SBK1: variants seen among roughly 807,000 people sequenced by gnomAD.
SBK1 encodes SH3 domain binding kinase 1, also known as serine/threonine-protein kinase SBK1.
In SBK1, 11 loss-of-function variants were observed where a neutral mutation model predicts 24.4. The observed-to-expected ratio is 0.45, with a 90% CI of 0.28 to 0.75. The LOEUF is 0.75. Ranked by LOEUF, SBK1 falls within the 30% of genes least tolerant of loss-of-function variation. SBK1 has a pLI of 0.12. For missense variants in SBK1, 467 were observed against 620.5 expected (o/e 0.75, Z 2.63); for synonymous variants, 308 against 284.4 (o/e 1.08, Z -0.83).
At chr16:28,261,893 G>A (rs1158236288) in intron 1 of SBK1, among the ~76,000 whole-genome samples, 1 of 152,066 alleles carries the variant, frequency 6.6e-6, no homozygotes, top group Non-Finnish European at 1.5e-5. Flanking sequence ...CTGATTCTGG[G>A]GACTCTCTGT....
intron 1 of SBK1, among the ~76,000 whole-genome samples, chr16:28,272,771 C>A (rs927633585): frequency 6.6e-6 from 1 of 151,648 alleles, no homozygotes; most frequent in Non-Finnish European, 1.5e-5. Context: ...ACAGGCATGC[C>A]CCACCACGCC....
chr16:28,300,902 C>G (rs984382781), intron 1 of SBK1, among the ~76,000 whole-genome samples: 3 of 152,142 alleles, frequency 2.0e-5, no homozygotes, highest in African/African-American at 4.8e-5. Context: ...GAACCTGGAC[C>G]GCAGGCTCCT....
chr16:28,268,402 C>G (rs1454528757), intron 1 of SBK1, among the ~76,000 whole-genome samples: 1 of 151,060 alleles, frequency 6.6e-6, no homozygotes, highest in Non-Finnish European at 1.5e-5. Context: ...ACCACCACAC[C>G]TGGCTAATTT....
intron 1 of SBK1, among the ~76,000 whole-genome samples, chr16:28,316,730 T>C (rs2044799028): frequency 6.6e-6 from 1 of 152,114 alleles, no homozygotes; most frequent in South Asian, 2.1e-4. Flanking sequence ...TAAATAAAAA[T>C]TAGCCAGGTG....
chr16:28,312,107 G>A (rs1266488608), intron 1 of SBK1, among the ~76,000 whole-genome samples: 6 of 152,242 alleles, frequency 3.9e-5, no homozygotes, highest in Admixed American at 6.5e-5. Flanking sequence ...CTCCACACAC[G>A]TCAGGAAAAG....
intron 1 of SBK1, among the ~76,000 whole-genome samples, chr16:28,298,846 C>T (rs921879038): frequency 1.3e-5 from 2 of 152,256 alleles, no homozygotes; most frequent in South Asian, 2.1e-4. Flanking sequence ...AGGGGACCAT[C>T]CTCCTCCTTC....
At chr16:28,314,146 A>ATTG (rs1235366022) in intron 1 of SBK1, among the ~76,000 whole-genome samples, 1 of 98,484 alleles carries the variant, frequency 1.0e-5, no homozygotes, top group Non-Finnish European at 2.8e-5. Flanking sequence ...TGTCGTTATT[A>ATTG]TTGTTATTAT....
At chr16:28,261,436 C>G (rs917470072) in intron 1 of SBK1, among the ~76,000 whole-genome samples, 2,318 of 72,042 alleles carry the variant, frequency 0.032, 63 homozygotes, top group African/African-American at 0.081. Flanking sequence ...TCTACACACA[C>G]ACACACACAC....
intron 1 of SBK1, among the ~76,000 whole-genome samples, chr16:28,315,868 A>G (rs1286785282): frequency 6.6e-6 from 1 of 152,038 alleles, no homozygotes; most frequent in Non-Finnish European, 1.5e-5. Context: ...AGGGTTCAAG[A>G]AGTTCTCCTA....
At chr16:28,269,051 T>G (rs918175426) in intron 1 of SBK1, among the ~76,000 whole-genome samples, 14 of 149,182 alleles carry the variant, frequency 9.4e-5, no homozygotes, top group African/African-American at 3.2e-4. Context: ...TTTTTTTTTT[T>G]GAGATGGAGT....
At chr16:28,316,008 C>T (rs1242437993) in intron 1 of SBK1, among the ~76,000 whole-genome samples, 9 of 152,074 alleles carry the variant, frequency 5.9e-5, no homozygotes, top group East Asian at 1.9e-4. Context: ...TCAAGTGATC[C>T]GCCCACTCAG....
At chr16:28,286,331 G>C (rs1567673551) in intron 1 of SBK1, 1 of 152,324 alleles carries the variant, frequency 6.6e-6, no homozygotes, top group African/African-American at 2.4e-5. Context: ...CTTGAGCCCA[G>C]GAGTTCAGAA....
intron 1 of SBK1, among the ~76,000 whole-genome samples, chr16:28,266,011 G>C (rs935312512): frequency 3.3e-5 from 5 of 151,840 alleles, no homozygotes; most frequent in Non-Finnish European, 7.4e-5. Context: ...ACAAAACCAG[G>C]TTTGATGTGG....
chr16:28,317,283 G>A lies in SBK1; in HGVS notation c.-7-102G>A. ...GTGGTTATCTTGGGCCTGGCATCCGGGCCCATCCTCAAGTTTTCTGGGTTC... is the reference window on the plus strand; with the variant it reads ...GTGGTTATCTTGGGCCTGGCATCCGAGCCCATCCTCAAGTTTTCTGGGTTC... On this transcript the variant is annotated intron_variant, in intron 1 of 3. Coordinates refer to ENST00000341901, the MANE Select transcript of SBK1 (RefSeq NM_001024401.3). This position sits in a 1 kb window ranked among gnomAD's most constrained non-coding sequence, Gnocchi z 4.2. 1 of 826,276 alleles carries A rather than the reference G, an allele frequency of 1.2e-6. No individual in the cohort carries two copies. Among genetic ancestry groups the A allele is most frequent in the South Asian group, 1.6e-5 (1 of 62,028 alleles). The allele number at this position is 826,276 out of a possible 1,614,324, so 51.2% of individuals were successfully genotyped here.
In SBK1 at chr16:28,317,473, G is replaced by C; in HGVS notation, c.82G>C (p.Gly28Arg). The part of the protein sequence containing the change: ...GPGTAPGPGA[G>R]VPLLTEDMQA... ...GGGGACTGCCCCTGGGCCTGGTGCC[G>C]GTGTGCCCCTTCTCACTGAAGACAT... Residue 28 changes from glycine to arginine, a missense_variant, in exon 2 of 4, where the codon GGT (glycine) becomes CGT (arginine). Around this residue, in one of 4 missense-constraint regions of SBK1, gnomAD observed 123 missense variants for 158.2 expected, o/e 0.78. Coordinates refer to ENST00000341901, the MANE Select transcript of SBK1 (RefSeq NM_001024401.3). The surrounding 1 kb of genome is among the most constrained non-coding windows in gnomAD (Gnocchi z 4.2). The C allele has an allele frequency of 6.2e-7, 1 of 1,614,106 alleles. No homozygotes were observed. The highest frequency in any genetic ancestry group is 8.5e-7 in the Non-Finnish European group (1 of 1,179,994).
chr16:28,299,950 G>T (rs2044667865), intron 1 of SBK1, among the ~76,000 whole-genome samples: 1 of 152,190 alleles, frequency 6.6e-6, no homozygotes, highest in Admixed American at 6.5e-5. Flanking sequence ...AGTGCCCTCT[G>T]CCAGGAGAGC....
intron 1 of SBK1, among the ~76,000 whole-genome samples, chr16:28,308,660 T>C: frequency 6.6e-6 from 1 of 151,392 alleles, no homozygotes. Context: ...ACTCCTGGGC[T>C]CAAGCAACCC....
chr16:28,263,948 G>A (rs2044412623), intron 1 of SBK1, among the ~76,000 whole-genome samples: 2 of 151,472 alleles, frequency 1.3e-5, no homozygotes, highest in Admixed American at 1.3e-4. Context: ...AACATAATGA[G>A]ATCCTATCCC....
chr16:28,279,165 C>T (rs2044513321), intron 1 of SBK1, among the ~76,000 whole-genome samples: 1 of 150,572 alleles, frequency 6.6e-6, no homozygotes, highest in South Asian at 2.1e-4. Flanking sequence ...CAAGATGGCA[C>T]CATTGCACTT....
Sources: allele counts gnomAD v4.1 joint callset (sites outside exome capture counted in the v4.1 genomes callset), GRCh38; gene constraint gnomAD v4.1.1; regional missense constraint gnomAD v4.1.1; non-coding constraint Gnocchi (gnomAD v3.1); transcripts MANE v1.5; gene names NCBI Gene and HGNC (gene_info 2026-07-23, HGNC 2026-07-21).